Variants in LPCAT1 observed in about 807,000 individuals in gnomAD.
LPCAT1 encodes 1-acylglycerol-3-phosphate O-acyltransferase.
Under a neutral mutation model 60.9 loss-of-function variants are expected in LPCAT1, and 23 were observed. That is an observed-to-expected ratio of 0.38 (90% confidence interval 0.27 to 0.53). The LOEUF (loss-of-function observed/expected upper bound fraction) is 0.53. Among genes scored for constraint, LPCAT1 ranks in the 20% least tolerant of loss-of-function variants. The probability of loss-of-function intolerance (pLI) is 0.82; values close to 1 mark genes in which losing one functional copy is unlikely to be tolerated. For synonymous variants in LPCAT1, 340 were observed against 301.1 expected, an observed-to-expected ratio of 1.13 and a Z score of -1.34; for missense variants, 622 against 723.6, an observed-to-expected ratio of 0.86 and a Z score of 1.61.
In LPCAT1 at chr5:1,473,382, C is replaced by A. The variant is rs116133478; in HGVS notation, c.1179+575G>T. On this transcript the variant is annotated intron_variant, in intron 11 of 13. Coordinates refer to ENST00000283415, the MANE Select transcript of LPCAT1 (RefSeq NM_024830.5). The stretch of plus-strand genomic sequence containing the variant: ...CTCGCCGTGGCAGCCTGTCCCGCCC[C>A]TGCGTGCCACCTCGCACCTTCCTAA... 8.0e-3 allele frequency among the ~76,000 whole-genome samples: 1,221 copies of A among 152,392 alleles called. 14 individuals carry two copies. The highest frequency in any genetic ancestry group is 0.058 in the Middle Eastern group (17 of 292).
At position 1,461,957 on chromosome 5, in the gene LPCAT1, C is replaced by T. The variant is rs1734114455; in HGVS notation, c.*1694G>A. On this transcript the variant is annotated 3_prime_UTR_variant, in exon 14 of 14. Transcript: ENST00000283415. ...GGCTGCACTAGGATTTCTTCTGTGT[C>T]CAACACGCCAAGAGCCCTGAAATTG... is the stretch of plus-strand genomic sequence containing the variant. 1 of 152,488 alleles carries T rather than the reference C, an allele frequency of 6.6e-6. No homozygotes were observed. The highest frequency in any genetic ancestry group is 1.5e-5 in the Non-Finnish European group (1 of 68,026). The allele number at this position is 152,488 out of a possible 1,614,324, so 9.4% of individuals were successfully genotyped here.
intron 11 of LPCAT1, among the ~76,000 whole-genome samples, chr5:1,472,682 C>T (rs1734731607): frequency 6.6e-6 from 1 of 152,180 alleles, no homozygotes; most frequent in Non-Finnish European, 1.5e-5. Context: ...AATTCCAACA[C>T]TGTGGTAAAG....
intron 2 of LPCAT1, among the ~76,000 whole-genome samples, chr5:1,497,836 G>C (rs768674007): frequency 2.0e-5 from 3 of 152,212 alleles, no homozygotes; most frequent in Non-Finnish European, 2.9e-5. Flanking sequence ...AGAGCATTCA[G>C]GAAAGGGCAC....
At chr5:1,517,842 G>C (rs1294706209) in intron 1 of LPCAT1, among the ~76,000 whole-genome samples, 1 of 152,238 alleles carries the variant, frequency 6.6e-6, no homozygotes, top group South Asian at 2.1e-4. Context: ...TCCCAGACAG[G>C]AGCCCCCACC....
chr5:1,480,866 G>T lies in LPCAT1; in HGVS notation c.761+76C>A. On this transcript the variant is annotated intron_variant, in intron 7 of 13. Transcript: ENST00000283415. The surrounding 1 kb of genome is among the most constrained non-coding windows in gnomAD (Gnocchi z 6.4). ...TCACAACTGCAAAAGTAACTAGCGT[G>T]CACAGCAGACCCCAAGCAGCCCCTA... 6.5e-7 allele frequency: 1 copy of T among 1,545,126 alleles called. No homozygotes were observed. The highest frequency in any genetic ancestry group is 8.9e-7 in the Non-Finnish European group (1 of 1,117,828).
At chr5:1,510,622 C>T (rs901534957) in intron 1 of LPCAT1, 2 of 152,326 alleles carry the variant, frequency 1.3e-5, no homozygotes, top group African/African-American at 4.8e-5. Flanking sequence ...TAAACCACGA[C>T]ACCCTGTGAC....
At chr5:1,465,811 C>T (rs1156461053) in intron 13 of LPCAT1, among the ~76,000 whole-genome samples, 3 of 152,170 alleles carry the variant, frequency 2.0e-5, no homozygotes, top group Non-Finnish European at 2.9e-5. Flanking sequence ...AAGAAGCACG[C>T]ACATGCGTGC....
chr5:1,473,362 C>T (rs1350043344), intron 11 of LPCAT1, among the ~76,000 whole-genome samples: 2 of 152,262 alleles, frequency 1.3e-5, no homozygotes, highest in Middle Eastern at 3.2e-3. Context: ...TGTGGCTCGC[C>T]GTGGCAGCCT....
In LPCAT1 at chr5:1,483,538, G is replaced by A. The variant is rs750023751; in HGVS notation, c.668-52C>T. On this transcript the variant is annotated intron_variant, in intron 5 of 13. Transcript: ENST00000283415. This position sits in a 1 kb window ranked among gnomAD's most constrained non-coding sequence, Gnocchi z 9.2. ...CCCATGGCAGCCCACGCAGGACAGC[G>A]TCTGCTGCGTTTCTCATGCTGCCCT... 22 of 1,571,078 alleles carry A rather than the reference G, an allele frequency of 1.4e-5. No individual in the cohort carries two copies. The highest frequency in any genetic ancestry group is 1.1e-4 in the African/African-American group (8 of 73,914).
intron 10 of LPCAT1, 40 bp downstream of exon 10, chr5:1,474,520 G>A (rs1734817294): frequency 6.2e-7 from 1 of 1,609,106 alleles, no homozygotes; most frequent in South Asian, 1.1e-5. Context: ...GGCATCACGG[G>A]TTCTAGCTAA....
chr5:1,498,765 A>G (rs1253531945), intron 2 of LPCAT1, among the ~76,000 whole-genome samples: 2 of 152,130 alleles, frequency 1.3e-5, no homozygotes, highest in Non-Finnish European at 2.9e-5. Context: ...CACACATGCA[A>G]CACACACAGG....
At position 1,495,654 on chromosome 5, in the gene LPCAT1, G is replaced by A. The variant is rs550012108; in HGVS notation, c.279-740C>T. On this transcript the variant is annotated intron_variant, in intron 2 of 13. Coordinates refer to ENST00000283415, the MANE Select transcript of LPCAT1 (RefSeq NM_024830.5). This position sits in a 1 kb window ranked among gnomAD's most constrained non-coding sequence, Gnocchi z 4.7. ...GAATTGACACGCAGCAGACAGCCACGGTGTGTGAGAAGCCACAGGTCAGGC... is the reference window on the plus strand; with the variant it reads ...GAATTGACACGCAGCAGACAGCCACAGTGTGTGAGAAGCCACAGGTCAGGC... Among the ~76,000 whole-genome samples, 22 of 152,292 alleles carry A rather than the reference G, an allele frequency of 1.4e-4. No individual in the cohort carries two copies. Among genetic ancestry groups the A allele is most frequent in the Admixed American group, 7.8e-4 (12 of 15,294 alleles).
At chr5:1,519,901 T>A (rs1390730049) in intron 1 of LPCAT1, among the ~76,000 whole-genome samples, 1 of 152,154 alleles carries the variant, frequency 6.6e-6, no homozygotes, top group African/African-American at 2.4e-5. Context: ...CTCCTGCACA[T>A]CCTCCACAGG....
At chr5:1,490,702 G>C (rs565780567) in intron 3 of LPCAT1, among the ~76,000 whole-genome samples, 2 of 152,346 alleles carry the variant, frequency 1.3e-5, no homozygotes, top group Non-Finnish European at 2.9e-5. Context: ...GGGACACCCC[G>C]CCATGAAGGC....
rs1226208517 is a variant in LPCAT1, at chr5:1,502,968, G to A, written c.136-1365C>T. ...CCCGGTATATCTGAAATACCATTTC[G>A]ACACGTACTCAACGTAGAAGTTGCT... On this transcript the variant is annotated intron_variant, in intron 1 of 13. Coordinates refer to ENST00000283415, the MANE Select transcript of LPCAT1 (RefSeq NM_024830.5). This position sits in a 1 kb window ranked among gnomAD's most constrained non-coding sequence, Gnocchi z 5.5. Among the ~76,000 whole-genome samples, 1 of 152,096 alleles carries A rather than the reference G, an allele frequency of 6.6e-6. No homozygotes were observed. The highest frequency in any genetic ancestry group is 1.5e-5 in the Non-Finnish European group (1 of 68,034).
In LPCAT1 at chr5:1,501,553, A is replaced by G; in HGVS notation, c.186T>C (p.Ala62=). 3 of 1,614,012 alleles carry G rather than the reference A, an allele frequency of 1.9e-6. No homozygotes were observed. The highest frequency in any genetic ancestry group is 2.5e-6 in the Non-Finnish European group (3 of 1,179,946). ...TLFPVRLLVA[A]AMMLLAWPLA... ...GGGGCCAGGCCAGCAGCATCATGGC[A>G]GCGGCAACCAGGAGCCGGACCGGGA... Residue 62 remains alanine, a synonymous_variant, in exon 2 of 14, where the codon GCT becomes GCC. Coordinates refer to ENST00000283415, the MANE Select transcript of LPCAT1 (RefSeq NM_024830.5).
chr5:1,504,732 A>AAG (rs1553998917), intron 1 of LPCAT1, among the ~76,000 whole-genome samples: 4 of 151,598 alleles, frequency 2.6e-5, no homozygotes, highest in African/African-American at 7.3e-5. Flanking sequence ...AAAAAAAAAA[A>AAG]GCCGACAATA....
At position 1,462,152 on chromosome 5, in the gene LPCAT1, C is replaced by G. The variant is rs1300388465; in HGVS notation, c.*1499G>C. ...TAGTAAACATTTTTTCCCGTACTTA[C>G]TGGCCTTGGTGGTCACTTTCTATAG... On this transcript the variant is annotated 3_prime_UTR_variant, in exon 14 of 14. Coordinates refer to ENST00000283415, the MANE Select transcript of LPCAT1 (RefSeq NM_024830.5). 6.6e-6 allele frequency: 1 copy of G among 152,578 alleles called. No homozygotes were observed. The highest frequency in any genetic ancestry group is 1.9e-4 in the East Asian group (1 of 5,192). The allele number at this position is 152,578 out of a possible 1,614,324, so 9.5% of individuals were successfully genotyped here.
rs1464716629 is a variant in LPCAT1, at chr5:1,474,803, A to G, written c.900-118T>C. 9.0e-6 allele frequency: 12 copies of G among 1,335,086 alleles called. No homozygotes were observed. In the East Asian group the frequency reaches 2.0e-4, roughly 23 times the overall value. 82.7% of individuals were successfully genotyped at this position (1,335,086 alleles called of 1,614,324 possible). A position where few individuals can be genotyped will look rare whatever the true frequency, so the allele number is the denominator to read the frequency against. ...GAGGGCTGAGGAGAGGCAGTGAGAC[A>G]GGGGAAGGGCCAGTTGGTGGGGCAG... On this transcript the variant is annotated intron_variant, in intron 9 of 13. Transcript: ENST00000283415.
Sources: allele counts gnomAD v4.1 joint callset (sites outside exome capture counted in the v4.1 genomes callset), GRCh38; gene constraint gnomAD v4.1.1; non-coding constraint Gnocchi (gnomAD v3.1); transcripts MANE v1.5; gene names NCBI Gene and HGNC (gene_info 2026-07-23, HGNC 2026-07-21).